The following AUTS2 variants were observed in gnomAD, a reference collection of about 807,000 sequenced individuals.
AUTS2 encodes autism susceptibility gene 2 protein.
In AUTS2, 17 loss-of-function variants were observed where a neutral mutation model predicts 112.4. That is an observed-to-expected ratio of 0.15 (90% CI 0.10 to 0.23). AUTS2 has a LOEUF of 0.23. Ranked by LOEUF, AUTS2 falls within the 10% of genes least tolerant of loss-of-function variation. The pLI is 1.00. For missense variants in AUTS2, 1,510 were observed against 1,701.6 expected (o/e 0.89, Z 1.98); for synonymous variants, 751 against 702.7 (o/e 1.07, Z -1.09).
At chr7:70,741,941 G>A (rs1302923863) in intron 6 of AUTS2, among the ~76,000 whole-genome samples, 1 of 152,170 alleles carries the variant, frequency 6.6e-6, no homozygotes, top group East Asian at 1.9e-4. Flanking sequence ...TATGGTTAAT[G>A]TATTCCTGTG....
At chr7:70,567,361 C>G (rs1029602280) in intron 5 of AUTS2, among the ~76,000 whole-genome samples, 2 of 152,150 alleles carry the variant, frequency 1.3e-5, no homozygotes, top group Non-Finnish European at 2.9e-5. Context: ...ATTCCATGGA[C>G]AGCAGTATGG....
chr7:70,735,627 C>T (rs965014480), intron 6 of AUTS2, among the ~76,000 whole-genome samples: 5 of 152,162 alleles, frequency 3.3e-5, no homozygotes, highest in Middle Eastern at 3.2e-3. Context: ...AAATGACTTT[C>T]CCTGGAACTG....
rs1391573234 is a variant in AUTS2, at chr7:70,058,830, A to G, written c.523-59302A>G. Among the ~76,000 whole-genome samples the G allele has an allele frequency of 2.6e-5, 4 of 152,182 alleles. No individual in the cohort carries two copies. In the South Asian group the frequency reaches 6.2e-4, roughly 24 times the overall value. ...CGTTTTATGTAGAAGATTTTTACAT[A>G]AAATATTTACACACACACATACACT... On this transcript the variant is annotated intron_variant, in intron 2 of 18. Transcript: ENST00000342771.
At chr7:69,882,150 CAAAAAAA>C (rs57238970) in intron 1 of AUTS2, among the ~76,000 whole-genome samples, 11 of 57,134 alleles carry the variant, frequency 1.9e-4, no homozygotes, top group African/African-American at 3.2e-4. Context: ...AACTCTGTCT[CAAAAAAA>C]AAAAAAAAAA....
Position 70,133,598 on chromosome 7 carries a change from G to A in AUTS2, c.625-938G>A, listed in dbSNP as rs191258725. ...TAATACCCAACCCAAGCTCATCAGGGAAGAAGCCTGGCTGGTGCAGGGATG... is the reference window on the plus strand; with the variant it reads ...TAATACCCAACCCAAGCTCATCAGGAAAGAAGCCTGGCTGGTGCAGGGATG... On this transcript the variant is annotated intron_variant, in intron 3 of 18. Transcript: ENST00000342771. Among the ~76,000 whole-genome samples, 926 of 152,246 alleles carry A rather than the reference G, an allele frequency of 6.1e-3. 6 individuals are homozygous for A. Among genetic ancestry groups the A allele is most frequent in the Middle Eastern group, 0.017 (5 of 294 alleles).
chr7:70,741,334 C>G (rs1231512652), intron 6 of AUTS2, among the ~76,000 whole-genome samples: 1 of 144,982 alleles, frequency 6.9e-6, no homozygotes, highest in East Asian at 2.0e-4. Flanking sequence ...TTATCACTGA[C>G]AGAAAAAAAA....
intron 1 of AUTS2, among the ~76,000 whole-genome samples, chr7:69,716,112 A>C (rs1344740881): frequency 6.6e-6 from 1 of 152,122 alleles, no homozygotes; most frequent in Non-Finnish European, 1.5e-5. Flanking sequence ...TGGTTTTAGA[A>C]ATAAGGGAAA....
intron 5 of AUTS2, among the ~76,000 whole-genome samples, chr7:70,664,195 C>T (rs780781559): frequency 2.6e-5 from 4 of 152,190 alleles, no homozygotes; most frequent in Non-Finnish European, 4.4e-5. Context: ...TTTCATCATT[C>T]GAAACCTACC....
intron 6 of AUTS2, among the ~76,000 whole-genome samples, chr7:70,752,219 G>A (rs989066750): frequency 6.6e-6 from 1 of 152,086 alleles, no homozygotes; most frequent in African/African-American, 2.4e-5. Flanking sequence ...TTATCCAGAG[G>A]AAGCAGCTAA....
intron 5 of AUTS2, among the ~76,000 whole-genome samples, chr7:70,491,826 A>G (rs1018237013): frequency 2.0e-5 from 3 of 151,884 alleles, no homozygotes; most frequent in Non-Finnish European, 4.4e-5. Flanking sequence ...TGTTGGCCAG[A>G]CTGGTCCCTA....
At chr7:70,265,264 G>T (rs2129607942) in intron 4 of AUTS2, among the ~76,000 whole-genome samples, 1 of 152,340 alleles carries the variant, frequency 6.6e-6, no homozygotes, top group Admixed American at 6.5e-5. Context: ...GACAGCCACA[G>T]TTGGCAAAAG....
At chr7:70,311,366 T>G (rs1789742594) in intron 4 of AUTS2, among the ~76,000 whole-genome samples, 1 of 152,218 alleles carries the variant, frequency 6.6e-6, no homozygotes, top group Non-Finnish European at 1.5e-5. Flanking sequence ...TCGTGTCCCC[T>G]TTCTCCATTC....
intron 1 of AUTS2, among the ~76,000 whole-genome samples, chr7:69,767,817 C>T (rs568863267): frequency 1.6e-4 from 25 of 152,240 alleles, no homozygotes; most frequent in Non-Finnish European, 2.9e-4. Context: ...TCATGGCACA[C>T]ACTGTGCCTG....
chr7:70,513,393 A>C (rs73177704), intron 5 of AUTS2, among the ~76,000 whole-genome samples: 1 of 152,166 alleles, frequency 6.6e-6, no homozygotes, highest in South Asian at 2.1e-4. Context: ...GTTTTCCATA[A>C]TTGAAGATAG....
intron 5 of AUTS2, among the ~76,000 whole-genome samples, chr7:70,548,473 A>G (rs1273088897): frequency 6.6e-6 from 1 of 152,044 alleles, no homozygotes; most frequent in African/African-American, 2.4e-5. Flanking sequence ...TTGTTGTTAT[A>G]TCTAAGAACT....
chr7:70,276,050 C>T (rs2129609698), intron 4 of AUTS2, among the ~76,000 whole-genome samples: 1 of 152,294 alleles, frequency 6.6e-6, no homozygotes, highest in Non-Finnish European at 1.5e-5. Context: ...AACATTTGGA[C>T]ATTCCTCTGT....
At chr7:70,327,050 TG>T (rs1464686285) in intron 4 of AUTS2, among the ~76,000 whole-genome samples, 1 of 151,748 alleles carries the variant, frequency 6.6e-6, no homozygotes, top group Non-Finnish European at 1.5e-5. Flanking sequence ...CCCAGGTAGC[TG>T]GGATTACAGG....
At chr7:70,150,654 CATTTTCATTCTCATTGATAA>C (rs1807381436) in intron 4 of AUTS2, among the ~76,000 whole-genome samples, 2 of 152,144 alleles carry the variant, frequency 1.3e-5, no homozygotes, top group South Asian at 4.1e-4. Context: ...TTGTAGTTAG[CATTTTCATTCTCATTGATAA>C]ATTCAACAGA....
At chr7:69,860,668 A>C (rs917415007) in intron 1 of AUTS2, among the ~76,000 whole-genome samples, 18 of 150,104 alleles carry the variant, frequency 1.2e-4, no homozygotes, top group African/African-American at 4.1e-4. Context: ...CATGTTGCTT[A>C]ATTTTTTTTT....
Sources: gnomAD v4.1 joint callset for allele counts (sites outside exome capture counted in the v4.1 genomes callset) on GRCh38, gnomAD v4.1.1 for gene constraint, MANE v1.5 for transcripts, NCBI Gene and HGNC (gene_info 2026-07-23, HGNC 2026-07-21) for gene names.